MAGI1: variants seen among roughly 807,000 people sequenced by gnomAD.
MAGI1 encodes the protein membrane associated guanylate kinase, WW and PDZ domain containing 1, also known as membrane-associated guanylate kinase, WW and PDZ domain-containing protein 1.
In MAGI1, 58 loss-of-function variants were observed where a neutral mutation model predicts 139.9. That is an observed-to-expected ratio of 0.41 (90% confidence interval 0.34 to 0.52). The LOEUF (loss-of-function observed/expected upper bound fraction) is 0.52, where lower values mean the gene tolerates loss of function less well. Among genes scored for constraint, MAGI1 ranks in the 20% least tolerant of loss-of-function variants. The probability of loss-of-function intolerance (pLI) is 0.12; values close to 1 mark genes in which losing one functional copy is unlikely to be tolerated. For missense variants in MAGI1, 1,874 were observed against 1,901.6 expected, an observed-to-expected ratio of 0.99 and a Z score of 0.27; for synonymous variants, 812 against 737.9, an observed-to-expected ratio of 1.10 and a Z score of -1.63.
rs1291717594 is a variant in MAGI1, at chr3:66,002,870, G to A, written c.313+35126C>T. 2.0e-5 allele frequency among the ~76,000 whole-genome samples: 3 copies of A among 152,092 alleles called. No homozygotes were observed. The East Asian group carries it at 5.8e-4, about 29-fold the overall frequency. On this transcript the variant is annotated intron_variant, in intron 1 of 22. Coordinates refer to ENST00000402939, the MANE Select transcript of MAGI1 (RefSeq NM_001033057.2). ...CTGCACTTCAAAGGTGGCCTTCCTGGTATTTTCAGGTACAACAAGCATAGT... is the reference window on the plus strand; with the variant it reads ...CTGCACTTCAAAGGTGGCCTTCCTGATATTTTCAGGTACAACAAGCATAGT...
chr3:65,692,285 G>C (rs1319002455), intron 1 of MAGI1, among the ~76,000 whole-genome samples: 2 of 152,120 alleles, frequency 1.3e-5, no homozygotes, highest in African/African-American at 4.8e-5. Context: ...TTTATTCATT[G>C]ATTCATTCTT....
At chr3:65,507,376 G>C (rs2077337784) in intron 2 of MAGI1, among the ~76,000 whole-genome samples, 1 of 152,202 alleles carries the variant, frequency 6.6e-6, no homozygotes, top group Non-Finnish European at 1.5e-5. Flanking sequence ...TGTCTCATGA[G>C]CAAAGGCTGA....
chr3:65,637,090 A>T (rs569558207), intron 1 of MAGI1, among the ~76,000 whole-genome samples: 1 of 152,256 alleles, frequency 6.6e-6, no homozygotes, highest in African/African-American at 2.4e-5. Context: ...GCTCCAAACT[A>T]AATGCATGGT....
At chr3:65,497,170 G>C (rs1242213489) in intron 2 of MAGI1, among the ~76,000 whole-genome samples, 1 of 152,238 alleles carries the variant, frequency 6.6e-6, no homozygotes, top group East Asian at 1.9e-4. Context: ...TATTAAGAGT[G>C]ATCAGTTGAT....
At chr3:65,545,970 G>A (rs1455331663) in intron 2 of MAGI1, among the ~76,000 whole-genome samples, 1 of 148,734 alleles carries the variant, frequency 6.7e-6, no homozygotes, top group African/African-American at 2.5e-5. Flanking sequence ...AATGGGGTAT[G>A]ATCTCACACA....
intron 1 of MAGI1, among the ~76,000 whole-genome samples, chr3:65,650,936 A>G (rs968331368): frequency 1.3e-5 from 2 of 152,238 alleles, no homozygotes; most frequent in African/African-American, 4.8e-5. Context: ...AGTAAGGTGC[A>G]TATCTGAAAA....
intron 1 of MAGI1, among the ~76,000 whole-genome samples, chr3:65,692,334 C>T (rs906449241): frequency 6.6e-6 from 1 of 152,146 alleles, no homozygotes; most frequent in African/African-American, 2.4e-5. Context: ...CAGATATTTG[C>T]TGATGGCATA....
intron 1 of MAGI1, among the ~76,000 whole-genome samples, chr3:65,647,162 A>G (rs2085313377): frequency 6.6e-6 from 1 of 152,150 alleles, no homozygotes. Context: ...ACAAACTGCC[A>G]ACAATATGAA....
intron 2 of MAGI1, among the ~76,000 whole-genome samples, chr3:65,550,003 A>G (rs1459011669): frequency 6.6e-6 from 1 of 152,186 alleles, no homozygotes; most frequent in Non-Finnish European, 1.5e-5. Context: ...GAACATTTTA[A>G]AAGCCTGTGT....
chr3:65,523,164 T>C (rs138254740), intron 2 of MAGI1, among the ~76,000 whole-genome samples: 171 of 152,292 alleles, frequency 1.1e-3, no homozygotes, highest in Non-Finnish European at 2.1e-3. Flanking sequence ...AGTCAACCAA[T>C]AAAATACATA....
intron 1 of MAGI1, among the ~76,000 whole-genome samples, chr3:65,979,093 C>CT (rs1008868460): frequency 1.6e-4 from 8 of 51,542 alleles, no homozygotes; most frequent in African/African-American, 4.1e-4. Context: ...TTTCTTCCCC[C>CT]CCCCCGCCAC....
chr3:65,728,718 C>T (rs1261664040), intron 1 of MAGI1, among the ~76,000 whole-genome samples: 1 of 152,050 alleles, frequency 6.6e-6, no homozygotes, highest in Non-Finnish European at 1.5e-5. Flanking sequence ...AAGAAAAAAC[C>T]GTATTTTTTA....
At chr3:65,948,825 A>T (rs2063662807) in intron 1 of MAGI1, among the ~76,000 whole-genome samples, 2 of 152,230 alleles carry the variant, frequency 1.3e-5, no homozygotes, top group South Asian at 2.1e-4. Context: ...ATCCTTTGGC[A>T]GTCAACCCAT....
intron 2 of MAGI1, among the ~76,000 whole-genome samples, chr3:65,595,858 T>C (rs1216419182): frequency 1.3e-5 from 2 of 152,008 alleles, no homozygotes; most frequent in Non-Finnish European, 2.9e-5. Context: ...AGTATCCTCA[T>C]CAAGAATCCT....
In MAGI1 at chr3:66,038,792, G is replaced by A; in HGVS notation, c.-484C>T. Reference sequence around the variant, plus strand: ...GAAGACGCGGTGGCGGGGCGGCGGGGAGCAGGGCGGGAGGTAAGTGCTCGC... The same window carrying A: ...GAAGACGCGGTGGCGGGGCGGCGGGAAGCAGGGCGGGAGGTAAGTGCTCGC... On this transcript the variant is annotated 5_prime_UTR_variant, in exon 1 of 23. Transcript: ENST00000402939. 6.3e-6 allele frequency: 1 copy of A among 157,644 alleles called. No homozygotes were observed. Among genetic ancestry groups the A allele is most frequent in the Non-Finnish European group, 1.4e-5 (1 of 71,740 alleles). The allele number at this position is 157,644 out of a possible 1,614,324, so 9.8% of individuals were successfully genotyped here.
chr3:65,743,227 C>A (rs1347240601), intron 1 of MAGI1, among the ~76,000 whole-genome samples: 2 of 152,116 alleles, frequency 1.3e-5, no homozygotes. Context: ...AAAGTTCAGT[C>A]CTTTCAAAAT....
chr3:65,816,227 T>C (rs965668296), intron 1 of MAGI1, among the ~76,000 whole-genome samples: 20 of 151,866 alleles, frequency 1.3e-4, no homozygotes, highest in African/African-American at 4.4e-4. Context: ...TAAACGTTCA[T>C]AGAGGACGCT....
chr3:65,843,346 T>A (rs1361898462), intron 1 of MAGI1, among the ~76,000 whole-genome samples: 1 of 152,096 alleles, frequency 6.6e-6, no homozygotes, highest in African/African-American at 2.4e-5. Context: ...CCAGGCAAGT[T>A]TTCAGATGAG....
At chr3:65,477,711 A>ATTTTTTTTT (rs60679864) in intron 4 of MAGI1, among the ~76,000 whole-genome samples, 4 of 141,612 alleles carry the variant, frequency 2.8e-5, no homozygotes, top group African/African-American at 1.0e-4. Context: ...TATTATTATT[A>ATTTTTTTTT]TTTTTTTTTT....
Sources: gnomAD v4.1 joint callset for allele counts (sites outside exome capture counted in the v4.1 genomes callset) on GRCh38, gnomAD v4.1.1 for gene constraint, MANE v1.5 for transcripts, NCBI Gene and HGNC (gene_info 2026-07-23, HGNC 2026-07-21) for gene names.